ZCCHC7: variants seen among roughly 807,000 people sequenced by gnomAD.
ZCCHC7 encodes the protein zinc finger CCHC domain-containing protein 7.
A neutral mutation model predicts 52.0 loss-of-function variants in ZCCHC7; 35 were observed. That is an observed-to-expected ratio of 0.67 (90% CI 0.51 to 0.89). ZCCHC7 has a LOEUF of 0.89. Among genes scored for constraint, ZCCHC7 ranks in the 40% least tolerant of loss-of-function variants. The pLI, the probability that ZCCHC7 is intolerant of heterozygous loss-of-function variation, is 0.00. For synonymous variants in ZCCHC7, 217 were observed against 221.5 expected (o/e 0.98, Z 0.18); for missense variants, 574 against 649.1 (o/e 0.88, Z 1.26).
intron 2 of ZCCHC7, among the ~76,000 whole-genome samples, chr9:37,278,014 T>TTGTGTG (rs1554723029): frequency 6.9e-6 from 1 of 144,936 alleles, no homozygotes. Flanking sequence ...GTTTTTTTGT[T>TTGTGTG]TGTGTGTGTG....
intron 2 of ZCCHC7, among the ~76,000 whole-genome samples, chr9:37,206,265 T>C (rs750862699): frequency 4.7e-5 from 7 of 150,474 alleles, no homozygotes; most frequent in Non-Finnish European, 7.4e-5. Flanking sequence ...CTCCCTCTCT[T>C]CCCCTCCCGG....
chr9:37,127,695 TA>T (rs1247535668), intron 2 of ZCCHC7, among the ~76,000 whole-genome samples: 1 of 152,224 alleles, frequency 6.6e-6, no homozygotes, highest in Non-Finnish European at 1.5e-5. Context: ...ACACTGTTGT[TA>T]AAACTGGTAT....
rs547563955 is a variant in ZCCHC7, at chr9:37,136,861, C to T, written c.610+9919C>T. Among the ~76,000 whole-genome samples, 13 of 152,232 alleles carry T rather than the reference C, an allele frequency of 8.5e-5. No homozygotes were observed. In the East Asian group the frequency reaches 2.5e-3, roughly 29 times the overall value. On this transcript the variant is annotated intron_variant, in intron 2 of 8. Coordinates refer to ENST00000336755, the MANE Select transcript of ZCCHC7 (RefSeq NM_032226.3). Reference sequence around the variant, plus strand: ...CCTACCCTTGTCTTGAACTCCTGAGCTCAAGCTCCCACCTTGGCCTCCCAA... The same window carrying T: ...CCTACCCTTGTCTTGAACTCCTGAGTTCAAGCTCCCACCTTGGCCTCCCAA...
intron 2 of ZCCHC7, among the ~76,000 whole-genome samples, chr9:37,265,296 C>T (rs1827049858): frequency 6.6e-6 from 1 of 151,958 alleles, no homozygotes; most frequent in Non-Finnish European, 1.5e-5. Flanking sequence ...GTTTAAATAC[C>T]TTACAGGATG....
At chr9:37,317,185 A>G (rs1674332403) in intron 5 of ZCCHC7, among the ~76,000 whole-genome samples, 2 of 152,188 alleles carry the variant, frequency 1.3e-5, no homozygotes, top group Non-Finnish European at 2.9e-5. Context: ...CAGAGAGAAA[A>G]ACACACAAAT....
At chr9:37,255,383 A>G (rs1357703120) in intron 2 of ZCCHC7, among the ~76,000 whole-genome samples, 1 of 152,106 alleles carries the variant, frequency 6.6e-6, no homozygotes, top group Non-Finnish European at 1.5e-5. Context: ...CCAGATGGCT[A>G]CTAGGTGACT....
At chr9:37,298,243 G>T (rs1564236233) in intron 2 of ZCCHC7, among the ~76,000 whole-genome samples, 2 of 151,628 alleles carry the variant, frequency 1.3e-5, no homozygotes, top group African/African-American at 4.8e-5. Context: ...TTCCACAAAT[G>T]GGGGCAAAGT....
chr9:37,288,777 A>T (rs934973164), intron 2 of ZCCHC7, among the ~76,000 whole-genome samples: 3 of 152,162 alleles, frequency 2.0e-5, no homozygotes, highest in Non-Finnish European at 2.9e-5. Context: ...GCACTGACCT[A>T]TTCCCCCACC....
At chr9:37,153,086 A>G (rs924298560) in intron 2 of ZCCHC7, among the ~76,000 whole-genome samples, 3 of 152,008 alleles carry the variant, frequency 2.0e-5, no homozygotes, top group South Asian at 2.1e-4. Flanking sequence ...GTTGGCTCCT[A>G]TGTTTCTTTA....
intron 2 of ZCCHC7, among the ~76,000 whole-genome samples, chr9:37,129,330 C>T (rs1381912482): frequency 6.6e-6 from 1 of 152,156 alleles, no homozygotes; most frequent in Non-Finnish European, 1.5e-5. Context: ...CTGTTTTAGC[C>T]AAATAGAATT....
At chr9:37,196,289 A>G (rs1823281200) in intron 2 of ZCCHC7, among the ~76,000 whole-genome samples, 2 of 152,194 alleles carry the variant, frequency 1.3e-5, no homozygotes, top group Non-Finnish European at 2.9e-5. Flanking sequence ...TGTTCTTTAA[A>G]AAGCTGTTTA....
intron 2 of ZCCHC7, among the ~76,000 whole-genome samples, chr9:37,175,997 T>C (rs1431878402): frequency 6.6e-6 from 1 of 152,220 alleles, no homozygotes; most frequent in African/African-American, 2.4e-5. Flanking sequence ...ATTAGTGTAA[T>C]GGTTGAATAT....
chr9:37,255,767 T>C (rs936748176), intron 2 of ZCCHC7, among the ~76,000 whole-genome samples: 7 of 152,126 alleles, frequency 4.6e-5, no homozygotes, highest in African/African-American at 1.7e-4. Context: ...GTTTTAGCTC[T>C]TTGTCTTGAT....
intron 2 of ZCCHC7, among the ~76,000 whole-genome samples, chr9:37,235,348 TGTG>T (rs1250209101): frequency 6.6e-6 from 1 of 152,300 alleles, no homozygotes; most frequent in Admixed American, 6.5e-5. Context: ...GGAGAAATCA[TGTG>T]GTATTTGTCT....
chr9:37,120,605 C>G lies in ZCCHC7; in HGVS notation c.-40C>G, dbSNP rs1286512408. On this transcript the variant is annotated 5_prime_UTR_variant, in exon 1 of 9. Transcript: ENST00000336755. ...GCGTTTTGGTTCCCGGTTGGTGCTT[C>G]CTGTTCGCAGCTGCGGCAGTGAGTA... The G allele has an allele frequency of 1.0e-5, 4 of 398,638 alleles. No individual in the cohort carries two copies. Among genetic ancestry groups the G allele is most frequent in the African/African-American group, 2.1e-5 (1 of 48,638 alleles). 24.7% of individuals were successfully genotyped at this position (398,638 alleles called of 1,614,324 possible). A position where few individuals can be genotyped will look rare whatever the true frequency, so the allele number is the denominator to read the frequency against.
At chr9:37,152,362 A>T (rs1177714882) in intron 2 of ZCCHC7, among the ~76,000 whole-genome samples, 4 of 152,134 alleles carry the variant, frequency 2.6e-5, no homozygotes, top group Non-Finnish European at 4.4e-5. Context: ...AATTGGCTAC[A>T]TTTGTCAAAA....
In ZCCHC7 at chr9:37,126,427, A is replaced by G. The variant is rs762487742; in HGVS notation, c.95A>G (p.Glu32Gly). The G allele has an allele frequency of 6.2e-7, 1 of 1,613,996 alleles. No individual in the cohort carries two copies. The highest frequency in any genetic ancestry group is 1.1e-5 in the South Asian group (1 of 91,080). ...SSELSVDSEVEFQLYSQIHYA... is the reference protein window; with the variant it reads ...SSELSVDSEVGFQLYSQIHYA... ...GAACTGAGTGTTGATAGTGAGGTGGAATTTCAACTCTATAGCCAAATTCAT... is the reference window on the plus strand; with the variant it reads ...GAACTGAGTGTTGATAGTGAGGTGGGATTTCAACTCTATAGCCAAATTCAT... The change falls in exon 2 of 9, where the codon GAA (glutamate) becomes GGA (glycine). Residue 32 changes from glutamate (E) to glycine (G), a missense_variant. Physicochemically the swap from Glu to Gly is moderately conservative, Grantham distance 98. Around this residue, in one of 3 missense-constraint regions of ZCCHC7, gnomAD observed 403 missense variants for 461.2 expected, o/e 0.87. Coordinates refer to ENST00000336755, the MANE Select transcript of ZCCHC7 (RefSeq NM_032226.3).
At chr9:37,321,600 CA>C (rs1418985857) in intron 5 of ZCCHC7, among the ~76,000 whole-genome samples, 2 of 151,808 alleles carry the variant, frequency 1.3e-5, no homozygotes, top group East Asian at 3.9e-4. Flanking sequence ...TCCATCTCTA[CA>C]AAAAAATGAA....
chr9:37,243,617 T>TAA (rs754083182), intron 2 of ZCCHC7, among the ~76,000 whole-genome samples: 5 of 151,830 alleles, frequency 3.3e-5, no homozygotes, highest in African/African-American at 9.7e-5. Context: ...ACACACATAC[T>TAA]AAACTCTTAC....
Sources: gnomAD v4.1 joint callset for allele counts (sites outside exome capture counted in the v4.1 genomes callset) on GRCh38, gnomAD v4.1.1 for gene constraint, gnomAD v4.1.1 regional missense constraint, MANE v1.5 for transcripts, NCBI Gene and HGNC (gene_info 2026-07-23, HGNC 2026-07-21) for gene names.